The following KYAT1 variants were observed in gnomAD, a reference collection of about 807,000 sequenced individuals.
KYAT1 encodes kynurenine--oxoglutarate transaminase 1.
A neutral mutation model predicts 52.4 loss-of-function variants in KYAT1; 47 were observed. The ratio of observed to expected loss-of-function variants is 0.90; its 90% confidence interval spans 0.71 to 1.14. KYAT1 has a LOEUF of 1.14. Ranked by LOEUF, KYAT1 falls within the 50% of genes most tolerant of loss-of-function variation. The pLI is 0.00. For missense variants in KYAT1, 480 were observed against 557.9 expected, an observed-to-expected ratio of 0.86 and a Z score of 1.41; for synonymous variants, 212 against 209.6, an observed-to-expected ratio of 1.01 and a Z score of -0.10.
At chr9:128,840,221 G>A (rs1029820364) in intron 3 of KYAT1, among the ~76,000 whole-genome samples, 1 of 152,152 alleles carries the variant, frequency 6.6e-6, no homozygotes, top group African/African-American at 2.4e-5. Context: ...AGGATTGCTT[G>A]AGCCCAGGAG....
chr9:128,873,262 G>C (rs1837497092), intron 1 of KYAT1, among the ~76,000 whole-genome samples: 1 of 151,542 alleles, frequency 6.6e-6, no homozygotes. Flanking sequence ...CCAGGACTTT[G>C]GGAGGCCAAG....
At chr9:128,856,820 T>G (rs1390878603) in intron 1 of KYAT1, among the ~76,000 whole-genome samples, 2 of 152,258 alleles carry the variant, frequency 1.3e-5, no homozygotes, top group African/African-American at 2.4e-5. Flanking sequence ...CCCCATGTGA[T>G]AATCTGAAAT....
At chr9:128,834,064 C>T (rs980513131) in intron 11 of KYAT1, among the ~76,000 whole-genome samples, 3 of 152,138 alleles carry the variant, frequency 2.0e-5, no homozygotes, top group Non-Finnish European at 2.9e-5. Flanking sequence ...TCAAGACCAG[C>T]CTGGCCAACA....
intron 1 of KYAT1, among the ~76,000 whole-genome samples, chr9:128,869,443 G>A (rs1218275861): frequency 6.6e-6 from 1 of 152,154 alleles, no homozygotes; most frequent in Non-Finnish European, 1.5e-5. Context: ...TTACTGGCGT[G>A]AGCCACCGTA....
chr9:128,864,029 G>C (rs1476234984), intron 1 of KYAT1, among the ~76,000 whole-genome samples: 1 of 151,858 alleles, frequency 6.6e-6, no homozygotes, highest in Non-Finnish European at 1.5e-5. Context: ...GCTTTCCTGT[G>C]CTAGGTGCCC....
At chr9:128,862,903 C>A (rs1835656448) in intron 1 of KYAT1, among the ~76,000 whole-genome samples, 1 of 152,126 alleles carries the variant, frequency 6.6e-6, no homozygotes, top group Non-Finnish European at 1.5e-5. Flanking sequence ...CGGCTCCCTG[C>A]AACCTCCGCC....
At chr9:128,866,051 G>A (rs1445225255) in intron 1 of KYAT1, among the ~76,000 whole-genome samples, 1 of 152,116 alleles carries the variant, frequency 6.6e-6, no homozygotes, top group African/African-American at 2.4e-5. Context: ...CCTGCCATAT[G>A]GTAAGTGTAC....
chr9:128,855,138 C>G (rs984513911), intron 1 of KYAT1, among the ~76,000 whole-genome samples: 1 of 152,136 alleles, frequency 6.6e-6, no homozygotes, highest in African/African-American at 2.4e-5. Context: ...GTGGCTGATA[C>G]TGTGGTGGTA....
At chr9:128,840,841 C>A (rs568463150) in intron 3 of KYAT1, among the ~76,000 whole-genome samples, 1 of 152,316 alleles carries the variant, frequency 6.6e-6, no homozygotes, top group East Asian at 1.9e-4. Flanking sequence ...TAGGCACACA[C>A]TGTTTCTTAA....
intron 1 of KYAT1, among the ~76,000 whole-genome samples, chr9:128,866,779 G>A (rs150297030): frequency 6.6e-6 from 1 of 151,512 alleles, no homozygotes; most frequent in Admixed American, 6.6e-5. Context: ...CGTGATGTGC[G>A]CCTGTAATCC....
Position 128,833,287 on chromosome 9 carries a change from C to T in KYAT1, c.*297G>A, listed in dbSNP as rs1023519600. 2.8e-5 allele frequency: 15 copies of T among 541,584 alleles called. No homozygotes were observed. Among genetic ancestry groups the T allele is most frequent in the East Asian group, 2.6e-4 (8 of 30,866 alleles). The allele number at this position is 541,584 out of a possible 1,614,324, so 33.5% of individuals were successfully genotyped here. The stretch of plus-strand genomic sequence containing the variant: ...TGATCGGTACATGGTGGAAGTCTAC[C>T]GTCCGTCTCAGCCAAGCCTGGAGAG... On this transcript the variant is annotated 3_prime_UTR_variant, in exon 13 of 13. Transcript: ENST00000302586.
At chr9:128,849,795 CAAAAA>C (rs763466379) in intron 1 of KYAT1, among the ~76,000 whole-genome samples, 2 of 66,994 alleles carry the variant, frequency 3.0e-5, no homozygotes, top group Non-Finnish European at 3.1e-5. Flanking sequence ...GACTCTGTCT[CAAAAA>C]AAAAAAAAAA....
intron 1 of KYAT1, among the ~76,000 whole-genome samples, chr9:128,881,631 C>T (rs1484641748): frequency 2.6e-5 from 4 of 152,038 alleles, no homozygotes; most frequent in Non-Finnish European, 5.9e-5. Context: ...ATTCTGTTGT[C>T]TCGGGTATCA....
At chr9:128,878,575 G>A (rs1026913368) in intron 1 of KYAT1, among the ~76,000 whole-genome samples, 2 of 152,168 alleles carry the variant, frequency 1.3e-5, no homozygotes, top group Admixed American at 6.6e-5. Context: ...AATGTTTGGT[G>A]ACAATTTGTT....
At chr9:128,874,008 C>G (rs1837611791) in intron 1 of KYAT1, among the ~76,000 whole-genome samples, 1 of 150,366 alleles carries the variant, frequency 6.7e-6, no homozygotes. Context: ...GTAACCCCAG[C>G]ACTTTGGGAA....
intron 3 of KYAT1, among the ~76,000 whole-genome samples, chr9:128,838,936 TTTTATTTATTTA>T (rs71497421): frequency 6.1e-4 from 87 of 143,546 alleles, no homozygotes; most frequent in Middle Eastern, 7.1e-3. Flanking sequence ...CGGGAGAGGC[TTTTATTTATTTA>T]TTTATTTATT....
chr9:128,873,121 G>A (rs959496828), intron 1 of KYAT1, among the ~76,000 whole-genome samples: 1 of 143,282 alleles, frequency 7.0e-6, no homozygotes, highest in Non-Finnish European at 1.5e-5. Context: ...ATTGTGCAAA[G>A]AGAACTTAAT....
At chr9:128,846,714 C>A in intron 1 of KYAT1, 2 of 1,534,708 alleles carry the variant, frequency 1.3e-6, no homozygotes, top group East Asian at 2.4e-5. Flanking sequence ...TAATTTGGCT[C>A]CTCCTGTCCT....
chr9:128,842,779 T>G lies in KYAT1; in HGVS notation c.76A>C (p.Ser26Arg). 1 of 1,614,022 alleles carries G rather than the reference T, an allele frequency of 6.2e-7. No individual in the cohort carries two copies. The part of the protein sequence containing the change: ...NPWVEFVKLA[S>R]EHDVVNLGQG... Reference sequence around the variant, plus strand: ...CCCAAGTTCACGACGTCATGCTCACTGGCCAGTTTCACAAACTCCACCCTG... The same window carrying G: ...CCCAAGTTCACGACGTCATGCTCACGGGCCAGTTTCACAAACTCCACCCTG... The change falls in exon 3 of 13, where the codon AGT becomes CGT. Residue 26 changes from serine to arginine, a missense_variant. Ser to Arg is a moderately radical substitution (Grantham distance 110, BLOSUM62 -1). Transcript: ENST00000302586.
Sources: gnomAD v4.1 joint callset for allele counts (sites outside exome capture counted in the v4.1 genomes callset) on GRCh38, gnomAD v4.1.1 for gene constraint, MANE v1.5 for transcripts, NCBI Gene and HGNC (gene_info 2026-07-23, HGNC 2026-07-21) for gene names.